DTNA: variants seen among roughly 807,000 people sequenced by gnomAD.
DTNA encodes dystrophin-related protein 3.
DTNA carries 43 observed loss-of-function variants against 100.7 expected under a neutral mutation model. The ratio of observed to expected loss-of-function variants is 0.43; its 90% CI spans 0.33 to 0.55. DTNA has a LOEUF of 0.55. Among genes scored for constraint, DTNA ranks in the 20% least tolerant of loss-of-function variants. DTNA has a pLI of 0.04. For synonymous variants in DTNA, 349 were observed against 347.9 expected (o/e 1.00, Z -0.04); for missense variants, 798 against 953.9 (o/e 0.84, Z 2.15).
rs752828928 is a variant in DTNA, at chr18:34,881,437, C to CTTTTT, written c.2163-611_2163-607dup. Among the ~76,000 whole-genome samples, 122 of 51,386 alleles carry CTTTTT rather than the reference C, an allele frequency of 2.4e-3. 13 individuals carry two copies. Among genetic ancestry groups the CTTTTT allele is most frequent in the African/African-American group, 9.3e-3 (111 of 11,944 alleles). The allele number at this position is 51,386 out of a possible 152,430, so 33.7% of individuals were successfully genotyped here. A position where few individuals can be genotyped will look rare whatever the true frequency, so the allele number is the denominator to read the frequency against. On this transcript the variant is annotated intron_variant, in intron 20 of 22. Transcript: ENST00000444659. Reference sequence around the variant, plus strand: ...ATAGTGGAATTGGATAATTAAAATGCTTTTTTTTTTTTTTTTTTTTTTTTT... The same window carrying CTTTTT: ...ATAGTGGAATTGGATAATTAAAATGCTTTTTTTTTTTTTTTTTTTTTTTTTTTTTT...
chr18:34,721,687 C>G (rs2085356242), intron 1 of DTNA, among the ~76,000 whole-genome samples: 1 of 152,222 alleles, frequency 6.6e-6, no homozygotes, highest in African/African-American at 2.4e-5. Flanking sequence ...CAAAACTACT[C>G]TGCTTCTCAT....
chr18:34,676,546 A>G lies in DTNA; in HGVS notation c.-1-79430A>G, dbSNP rs2077419670. Among the ~76,000 whole-genome samples the G allele has an allele frequency of 2.0e-5, 3 of 152,174 alleles. No individual in the cohort carries two copies. In the South Asian group the frequency reaches 6.2e-4, roughly 32 times the overall value. ...GTAATTTAAGTAAGAACTTAAAGAG[A>G]GAAGGGGCCAGGCACGGTGGTTCAA... On this transcript the variant is annotated intron_variant, in intron 1 of 19. Coordinates refer to the DTNA transcript ENST00000283365.
intron 17 of DTNA, chr18:34,867,378 G>A: frequency 8.1e-7 from 1 of 1,229,164 alleles, no homozygotes; most frequent in Non-Finnish European, 1.0e-6. Context: ...CTAAATTAAA[G>A]TCAAATTTTA....
At chr18:34,874,290 T>C (rs1247818486) in intron 17 of DTNA, among the ~76,000 whole-genome samples, 4 of 152,234 alleles carry the variant, frequency 2.6e-5, no homozygotes, top group Admixed American at 6.5e-5. Context: ...TGGGATGGAA[T>C]TGATGTGAAC....
chr18:34,674,900 G>A (rs2077209905), intron 1 of DTNA, among the ~76,000 whole-genome samples: 1 of 152,210 alleles, frequency 6.6e-6, no homozygotes, highest in Non-Finnish European at 1.5e-5. Context: ...CAAGAGTGGT[G>A]TGGCAGCACT....
At chr18:34,707,997 T>A (rs771900032), upstream of DTNA, among the ~76,000 whole-genome samples, 104 of 152,362 alleles carry the variant, frequency 6.8e-4, 1 homozygote, top group Middle Eastern at 6.8e-3. Context: ...TTTTTAATGA[T>A]AGAGAAATCT....
At chr18:34,647,529 A>T (rs1227690483) in intron 1 of DTNA, among the ~76,000 whole-genome samples, 1 of 152,180 alleles carries the variant, frequency 6.6e-6, no homozygotes, top group Non-Finnish European at 1.5e-5. Flanking sequence ...AGTCTGGGAA[A>T]TGTAGTAGAG....
chr18:34,544,394 G>A (rs2044555991), intron 1 of DTNA, among the ~76,000 whole-genome samples: 1 of 151,906 alleles, frequency 6.6e-6, no homozygotes, highest in Non-Finnish European at 1.5e-5. Flanking sequence ...TTGTTTCAAA[G>A]GGCACTATCC....
At chr18:34,644,475 A>T (rs1207084727) in intron 1 of DTNA, among the ~76,000 whole-genome samples, 1 of 152,188 alleles carries the variant, frequency 6.6e-6, no homozygotes, top group Non-Finnish European at 1.5e-5. Context: ...GATTACAGAC[A>T]TTAAAACATT....
intron 3 of DTNA, among the ~76,000 whole-genome samples, chr18:34,792,396 T>C (rs189159825): frequency 1.2e-3 from 177 of 152,228 alleles, no homozygotes; most frequent in African/African-American, 3.9e-3. Flanking sequence ...TCAGAAACCA[T>C]AGATCTGTTC....
Position 34,755,910 on chromosome 18 carries a change from C to G in DTNA, c.-1-66C>G, listed in dbSNP as rs1458190516. 4 of 1,413,312 alleles carry G rather than the reference C, an allele frequency of 2.8e-6. No individual in the cohort carries two copies. In the South Asian group the frequency reaches 4.7e-5, roughly 17 times the overall value. The allele number at this position is 1,413,312 out of a possible 1,614,324, so 87.5% of individuals were successfully genotyped here. A position where few individuals can be genotyped will look rare whatever the true frequency, so the allele number is the denominator to read the frequency against. On this transcript the variant is annotated intron_variant, in intron 1 of 22. Transcript: ENST00000444659. ...GTCACAAGTACAGCAAGTACGTTTACAGAGAAATGGCTTCTTGCCTCAATA... is the reference window on the plus strand; with the variant it reads ...GTCACAAGTACAGCAAGTACGTTTAGAGAGAAATGGCTTCTTGCCTCAATA...
chr18:34,745,859 C>T (rs182473960), intron 1 of DTNA, among the ~76,000 whole-genome samples: 1 of 152,192 alleles, frequency 6.6e-6, no homozygotes, highest in East Asian at 1.9e-4. Context: ...TAGACATGAA[C>T]ATTTTGGTGG....
chr18:34,770,540 A>G (rs2093711296), intron 3 of DTNA, among the ~76,000 whole-genome samples: 1 of 152,150 alleles, frequency 6.6e-6, no homozygotes, highest in South Asian at 2.1e-4. Flanking sequence ...ACTGACATTC[A>G]TGTTTATTTT....
At chr18:34,540,693 A>G (rs1218424771) in intron 1 of DTNA, among the ~76,000 whole-genome samples, 4 of 152,116 alleles carry the variant, frequency 2.6e-5, no homozygotes, top group Non-Finnish European at 5.9e-5. Flanking sequence ...ACCCTTTATG[A>G]CAGTCTACTT....
chr18:34,580,373 A>G (rs541360202), intron 1 of DTNA, among the ~76,000 whole-genome samples: 1 of 151,980 alleles, frequency 6.6e-6, no homozygotes. Flanking sequence ...CATGTGTTTT[A>G]TAATTGTTTA....
chr18:34,865,052 T>C (rs1371987492), intron 17 of DTNA, among the ~76,000 whole-genome samples: 1 of 152,198 alleles, frequency 6.6e-6, no homozygotes, highest in African/African-American at 2.4e-5. Flanking sequence ...TCCTGCCTGA[T>C]ATAAACAAGC....
intron 1 of DTNA, among the ~76,000 whole-genome samples, chr18:34,562,200 C>A (rs929602939): frequency 2.0e-5 from 3 of 152,126 alleles, no homozygotes; most frequent in Non-Finnish European, 2.9e-5. Flanking sequence ...TAAAAATCTC[C>A]TTTAAAAGAA....
chr18:34,778,570 AT>A (rs1320423948), intron 3 of DTNA, among the ~76,000 whole-genome samples: 3 of 152,136 alleles, frequency 2.0e-5, no homozygotes, highest in Non-Finnish European at 4.4e-5. Context: ...GCAAACAAAA[AT>A]TCTGCACTCA....
At chr18:34,572,580 G>A (rs995536772) in intron 1 of DTNA, among the ~76,000 whole-genome samples, 1 of 152,110 alleles carries the variant, frequency 6.6e-6, no homozygotes, top group Non-Finnish European at 1.5e-5. Context: ...CTAGCACCCC[G>A]TACTCTTAGA....
Sources: allele counts gnomAD v4.1 joint callset (sites outside exome capture counted in the v4.1 genomes callset), GRCh38; gene constraint gnomAD v4.1.1; transcripts MANE v1.5; gene names NCBI Gene and HGNC (gene_info 2026-07-23, HGNC 2026-07-21).